RNF149: variants seen among roughly 807,000 people sequenced by gnomAD.
The protein encoded by RNF149 is E3 ubiquitin-protein ligase RNF149.
A neutral mutation model predicts 39.0 loss-of-function variants in RNF149; 21 were observed. The observed-to-expected ratio is 0.54, with a 90% confidence interval of 0.38 to 0.77. RNF149 has a LOEUF of 0.77. RNF149 is among the 30% of genes least tolerant of loss of function. The pLI is 0.00. For missense variants in RNF149, 493 were observed against 534.9 expected (o/e 0.92, Z 0.77); for synonymous variants, 209 against 213.6 (o/e 0.98, Z 0.19).
chr2:101,302,023 C>T (rs972037569), intron 1 of RNF149, among the ~76,000 whole-genome samples: 1 of 152,194 alleles, frequency 6.6e-6, no homozygotes, highest in African/African-American at 2.4e-5. Context: ...CTAACTGCAA[C>T]ACTCTACTTT....
intron 6 of RNF149, 99 bp from the exon 7 acceptor site, chr2:101,277,380 T>C (rs1038661623): frequency 1.3e-5 from 19 of 1,448,534 alleles, no homozygotes; most frequent in Non-Finnish European, 1.6e-5. Context: ...TAATTCAAGA[T>C]GGTAAACAGA....
Position 101,308,193 on chromosome 2 carries a change from G to A in RNF149, c.396C>T (p.Ala132=). ...DKVLVAARRN[A]SAVVLYNEER... ...CCTCATTGTAGAGGACGACGGCCGA[G>A]GCGTTCCTCCGCGCCGCCACCAGCA... The change falls in exon 1 of 7, where the codon GCC becomes GCT. Residue 132 remains alanine (A), a synonymous_variant. Transcript: ENST00000295317. 2 of 1,610,364 alleles carry A rather than the reference G, an allele frequency of 1.2e-6. No homozygotes were observed. The highest frequency in any genetic ancestry group is 1.1e-5 in the South Asian group (1 of 90,928).
At chr2:101,287,752 A>G (rs958408560) in intron 4 of RNF149, among the ~76,000 whole-genome samples, 1 of 152,204 alleles carries the variant, frequency 6.6e-6, no homozygotes, top group African/African-American at 2.4e-5. Flanking sequence ...GGAAACTTTC[A>G]TTTGGTTACC....
At chr2:101,289,840 C>T (rs1390555458) in intron 3 of RNF149, among the ~76,000 whole-genome samples, 1 of 152,146 alleles carries the variant, frequency 6.6e-6, no homozygotes, top group African/African-American at 2.4e-5. Flanking sequence ...CTGCACCAGA[C>T]CAAGTTTGAT....
Position 101,308,269 on chromosome 2 carries a change from G to A in RNF149, c.320C>T (p.Ala107Val). The change falls in exon 1 of 7, where the codon GCG becomes GTG. Residue 107 changes from alanine to valine, a missense_variant. Coordinates refer to ENST00000295317, the MANE Select transcript of RNF149 (RefSeq NM_173647.4). ...FVPEPGGRGAAPWVALVARGG... is the reference protein window; with the variant it reads ...FVPEPGGRGAVPWVALVARGG... ...ACGAGCCACCAGGGCGACCCAGGGCGCGGCCCCTCGGCCGCCGGGCTCGGG... is the reference window on the plus strand; with the variant it reads ...ACGAGCCACCAGGGCGACCCAGGGCACGGCCCCTCGGCCGCCGGGCTCGGG... 6.3e-7 allele frequency: 1 copy of A among 1,580,394 alleles called. No individual in the cohort carries two copies. Among genetic ancestry groups the A allele is most frequent in the Non-Finnish European group, 8.6e-7 (1 of 1,165,384 alleles).
chr2:101,276,099 T>A lies in RNF149; in HGVS notation c.*1139A>T, dbSNP rs1306355607. On this transcript the variant is annotated 3_prime_UTR_variant, in exon 7 of 7. Transcript: ENST00000295317. The stretch of plus-strand genomic sequence containing the variant: ...TTATAATTTTAAAAATTGTTTTAAA[T>A]AAACATTTATTTTTACCTACAAAGT... 1.1e-6 allele frequency: 1 copy of A among 902,902 alleles called. No homozygotes were observed. Among genetic ancestry groups the A allele is most frequent in the African/African-American group, 1.8e-5 (1 of 55,558 alleles). The allele number at this position is 902,902 out of a possible 1,614,324, so 55.9% of individuals were successfully genotyped here.
intron 6 of RNF149, among the ~76,000 whole-genome samples, chr2:101,278,358 A>G (rs1192809): frequency 0.82 from 125,122 of 151,968 alleles, 52,256 homozygotes; most frequent in East Asian, 1. Flanking sequence ...TGTTCCCCAG[A>G]CTGGCCTCAT....
chr2:101,289,517 C>T (rs889076507), intron 3 of RNF149, among the ~76,000 whole-genome samples: 2 of 151,918 alleles, frequency 1.3e-5, no homozygotes, highest in Non-Finnish European at 1.5e-5. Context: ...CCATCCTGGC[C>T]AACATGGTGA....
At chr2:101,291,678 G>T (rs1002809892) in intron 3 of RNF149, among the ~76,000 whole-genome samples, 3 of 152,138 alleles carry the variant, frequency 2.0e-5, no homozygotes, top group African/African-American at 7.2e-5. Context: ...AAAGTAAATA[G>T]TATCATTTAT....
At chr2:101,272,283 G>A (rs539399048), downstream of RNF149, among the ~76,000 whole-genome samples, 2 of 152,148 alleles carry the variant, frequency 1.3e-5, no homozygotes, top group South Asian at 4.2e-4. Flanking sequence ...CCTACATCTC[G>A]GCAAAGAAAA....
intron 1 of RNF149, among the ~76,000 whole-genome samples, chr2:101,305,817 T>G (rs1488933000): frequency 6.6e-6 from 1 of 152,210 alleles, no homozygotes; most frequent in Non-Finnish European, 1.5e-5. Context: ...TTTAAACTCC[T>G]TGAGCATCAG....
At chr2:101,273,309 T>A (rs1455573912), downstream of RNF149, 4 of 473,040 alleles carry the variant, frequency 8.5e-6, no homozygotes, top group East Asian at 2.8e-4. Flanking sequence ...CACAGTTAAA[T>A]ACTGGTCCAC....
intron 2 of RNF149, 66 bp from the exon 3 acceptor site, chr2:101,294,148 G>T: frequency 1.1e-6 from 1 of 910,088 alleles, no homozygotes; most frequent in Non-Finnish European, 1.8e-6. Flanking sequence ...TTTCTTAAAA[G>T]TCACAAATAT....
At chr2:101,284,353 G>A (rs962358701) in intron 5 of RNF149, among the ~76,000 whole-genome samples, 4 of 152,116 alleles carry the variant, frequency 2.6e-5, no homozygotes, top group African/African-American at 9.7e-5. Flanking sequence ...GCTGAGGCGG[G>A]TGGATCACTT....
At chr2:101,275,307 CAG>C (rs1682295045), downstream of RNF149, among the ~76,000 whole-genome samples, 4 of 148,740 alleles carry the variant, frequency 2.7e-5, no homozygotes, top group Admixed American at 1.3e-4. Flanking sequence ...TTAATGGAGA[CAG>C]GGTTTCACCG....
At chr2:101,297,789 C>G (rs1373891115) in intron 1 of RNF149, among the ~76,000 whole-genome samples, 1 of 152,224 alleles carries the variant, frequency 6.6e-6, no homozygotes, top group African/African-American at 2.4e-5. Flanking sequence ...TCATCACTAT[C>G]TAATTCCATA....
At chr2:101,299,525 A>G (rs967320848) in intron 1 of RNF149, among the ~76,000 whole-genome samples, 1 of 152,258 alleles carries the variant, frequency 6.6e-6, no homozygotes, top group Non-Finnish European at 1.5e-5. Context: ...TATGATGGTT[A>G]TATCTGATAT....
At chr2:101,307,360 T>G (rs970680966) in intron 1 of RNF149, among the ~76,000 whole-genome samples, 1 of 152,008 alleles carries the variant, frequency 6.6e-6, no homozygotes, top group African/African-American at 2.4e-5. Flanking sequence ...TTTAAGAAAT[T>G]TTTGCAGATA....
In RNF149 at chr2:101,294,923, A is replaced by G. The variant is rs3828194; in HGVS notation, c.711+8T>C. The G allele has an allele frequency of 0.41, 664,701 of 1,601,962 alleles. 140,414 individuals are homozygous for G. Among genetic ancestry groups the G allele is most frequent in the East Asian group, 0.51 (22,815 of 44,654 alleles). On this transcript the variant is annotated splice_region_variant and intron_variant, in intron 2 of 6. Coordinates refer to ENST00000295317, the MANE Select transcript of RNF149 (RefSeq NM_173647.4). Reference sequence around the variant, plus strand: ...TAAAAAGCAAAATTCAGAGTTATCCATCATTACCTGACTTCCAATCTGAGA... The same window carrying G: ...TAAAAAGCAAAATTCAGAGTTATCCGTCATTACCTGACTTCCAATCTGAGA...
Sources: allele counts gnomAD v4.1 joint callset (sites outside exome capture counted in the v4.1 genomes callset), GRCh38; gene constraint gnomAD v4.1.1; transcripts MANE v1.5; gene names NCBI Gene and HGNC (gene_info 2026-07-23, HGNC 2026-07-21).